The following NPSR1 variants were observed in gnomAD, a reference collection of about 807,000 sequenced individuals.
NPSR1 encodes neuropeptide S receptor.
Under a neutral mutation model 46.9 loss-of-function variants are expected in NPSR1, and 48 were observed. The observed-to-expected ratio is 1.02, with a 90% CI of 0.81 to 1.30. The LOEUF is 1.30. Among genes scored for constraint, NPSR1 ranks in the 50% most tolerant of loss-of-function variants. The pLI, the probability that NPSR1 is intolerant of heterozygous loss-of-function variation, is 0.00. For missense variants in NPSR1, 450 were observed against 449.5 expected, an observed-to-expected ratio of 1.00 and a Z score of -0.01; for synonymous variants, 176 against 168.1, an observed-to-expected ratio of 1.05 and a Z score of -0.36.
chr7:34,741,366 T>G (rs1452629688), intron 2 of NPSR1, among the ~76,000 whole-genome samples: 2 of 152,190 alleles, frequency 1.3e-5, no homozygotes, highest in Admixed American at 1.3e-4. Context: ...GAGTATGCAT[T>G]TGATCTCTTT....
intron 3 of NPSR1, among the ~76,000 whole-genome samples, chr7:34,783,188 C>T (rs2128739227): frequency 6.6e-6 from 1 of 152,254 alleles, no homozygotes; most frequent in African/African-American, 2.4e-5. Context: ...TCTCATACTG[C>T]TATAAGAATG....
chr7:34,821,965 G>T (rs759900029), intron 4 of NPSR1, among the ~76,000 whole-genome samples: 1 of 152,150 alleles, frequency 6.6e-6, no homozygotes. Context: ...AAAACAGGGG[G>T]AGACCTGCAT....
At chr7:34,670,590 ATAT>A (rs1791998825) in intron 1 of NPSR1, among the ~76,000 whole-genome samples, 2 of 150,944 alleles carry the variant, frequency 1.3e-5, no homozygotes, top group African/African-American at 4.8e-5. Flanking sequence ...TAAATATATA[ATAT>A]TATAGCTAAT....
At chr7:34,822,215 C>T (rs1331169601) in intron 4 of NPSR1, among the ~76,000 whole-genome samples, 1 of 152,090 alleles carries the variant, frequency 6.6e-6, no homozygotes, top group Non-Finnish European at 1.5e-5. Context: ...CATTTTAGTA[C>T]CGCAGCTTGT....
chr7:34,768,119 CTTA>C (rs943302409), intron 2 of NPSR1, among the ~76,000 whole-genome samples: 5 of 152,068 alleles, frequency 3.3e-5, no homozygotes, highest in Non-Finnish European at 7.4e-5. Context: ...AATATGTACA[CTTA>C]TTTTGTCATT....
At chr7:34,761,047 A>C (rs879625130) in intron 2 of NPSR1, 1 of 152,780 alleles carries the variant, frequency 6.5e-6, no homozygotes, top group African/African-American at 2.4e-5. Context: ...TACATTATGC[A>C]ACAGAGGCAA....
intron 4 of NPSR1, among the ~76,000 whole-genome samples, chr7:34,813,104 G>A (rs17789432): frequency 0.12 from 18,660 of 151,972 alleles, 1,437 homozygotes; most frequent in Non-Finnish European, 0.17. Context: ...ACACCCACAC[G>A]TGTGCATGTA....
intron 5 of NPSR1, among the ~76,000 whole-genome samples, chr7:34,829,547 C>T (rs1790021211): frequency 6.6e-6 from 1 of 152,194 alleles, no homozygotes; most frequent in Non-Finnish European, 1.5e-5. Flanking sequence ...ATTTCAGTGG[C>T]AGCACATGTC....
chr7:34,789,740 C>CCAA (rs1554330443), intron 3 of NPSR1, among the ~76,000 whole-genome samples: 1 of 45,348 alleles, frequency 2.2e-5, no homozygotes, highest in African/African-American at 8.8e-5. Flanking sequence ...TTGCAGTGCG[C>CCAA]AAAAAAAAAA....
chr7:34,819,561 A>T (rs1789445211), intron 4 of NPSR1, among the ~76,000 whole-genome samples: 1 of 152,224 alleles, frequency 6.6e-6, no homozygotes, highest in South Asian at 2.1e-4. Context: ...CAATCTTATT[A>T]CTGGTATATA....
intron 1 of NPSR1, among the ~76,000 whole-genome samples, chr7:34,661,817 T>C (rs1182268305): frequency 6.6e-6 from 1 of 152,182 alleles, no homozygotes; most frequent in Non-Finnish European, 1.5e-5. Context: ...CACATCCAGC[T>C]CACCTCTTCA....
At chr7:34,740,522 G>C in intron 2 of NPSR1, among the ~76,000 whole-genome samples, 1 of 152,104 alleles carries the variant, frequency 6.6e-6, no homozygotes, top group East Asian at 1.9e-4. Context: ...AAGGACCCCT[G>C]TGAGGCAAGG....
chr7:34,690,081 C>T (rs1463058961), intron 2 of NPSR1, among the ~76,000 whole-genome samples: 2 of 152,078 alleles, frequency 1.3e-5, no homozygotes, highest in Non-Finnish European at 2.9e-5. Context: ...CTCACATACC[C>T]AGTACACGGC....
intron 2 of NPSR1, among the ~76,000 whole-genome samples, chr7:34,706,332 C>T (rs1464479219): frequency 6.6e-6 from 1 of 150,574 alleles, no homozygotes; most frequent in East Asian, 2.0e-4. Context: ...GATTACTTAC[C>T]ATTTATTTTA....
At chr7:34,780,313 T>C (rs937169881) in intron 3 of NPSR1, among the ~76,000 whole-genome samples, 2 of 152,208 alleles carry the variant, frequency 1.3e-5, no homozygotes, top group African/African-American at 4.8e-5. Context: ...TGATAACCTA[T>C]GGTTTCTCCC....
chr7:34,867,136 C>A (rs573396414), intron 8 of NPSR1, among the ~76,000 whole-genome samples: 2 of 151,794 alleles, frequency 1.3e-5, no homozygotes, highest in South Asian at 4.2e-4. Context: ...CCAGAACCCT[C>A]ATCATCAAAG....
chr7:34,809,296 CAA>C (rs1788865783), intron 3 of NPSR1, among the ~76,000 whole-genome samples: 3 of 151,842 alleles, frequency 2.0e-5, no homozygotes, highest in African/African-American at 7.3e-5. Flanking sequence ...CACCTTTTCC[CAA>C]GAGATAATTT....
At chr7:34,675,205 A>C (rs776418642) in intron 1 of NPSR1, among the ~76,000 whole-genome samples, 2 of 152,232 alleles carry the variant, frequency 1.3e-5, no homozygotes, top group South Asian at 4.1e-4. Flanking sequence ...GATGCTTGGC[A>C]CATGGCAATC....
At chr7:34,764,083 T>C (rs1173244259) in intron 2 of NPSR1, among the ~76,000 whole-genome samples, 1 of 152,216 alleles carries the variant, frequency 6.6e-6, no homozygotes, top group Non-Finnish European at 1.5e-5. Flanking sequence ...TTATAAAAGA[T>C]AAATTGTGAG....
Sources: gnomAD v4.1 joint callset for allele counts (sites outside exome capture counted in the v4.1 genomes callset) on GRCh38, gnomAD v4.1.1 for gene constraint, MANE v1.5 for transcripts, NCBI Gene and HGNC (gene_info 2026-07-23, HGNC 2026-07-21) for gene names.